TRIP4: variants seen among roughly 807,000 people sequenced by gnomAD.
The protein encoded by TRIP4 is thyroid hormone receptor interactor 4.
TRIP4 carries 54 observed loss-of-function variants against 81.8 expected under a neutral mutation model. The observed-to-expected ratio is 0.66, with a 90% CI of 0.53 to 0.83. TRIP4 has a LOEUF of 0.83. TRIP4 is among the 40% of genes least tolerant of loss of function. The probability of loss-of-function intolerance (pLI) is 0.00; values close to 1 mark genes in which losing one functional copy is unlikely to be tolerated. For missense variants in TRIP4, 662 were observed against 683.6 expected, an observed-to-expected ratio of 0.97 and a Z score of 0.35; for synonymous variants, 270 against 242.8, an observed-to-expected ratio of 1.11 and a Z score of -1.04.
intron 6 of TRIP4, among the ~76,000 whole-genome samples, chr15:64,409,042 A>G (rs1260608741): frequency 2.0e-5 from 3 of 152,184 alleles, no homozygotes; most frequent in East Asian, 1.9e-4. Flanking sequence ...GTGAAACCCC[A>G]TCCCTACTAA....
rs10694997 is a variant in TRIP4, at chr15:64,444,746, C to CTTT, written c.1576-242_1576-240dup. 817 of 108,260 alleles carry CTTT rather than the reference C, an allele frequency of 7.5e-3. 33 individuals are homozygous for CTTT. The highest frequency in any genetic ancestry group is 0.012 in the East Asian group (43 of 3,532). The allele number at this position is 108,260 out of a possible 1,614,324, so 6.7% of individuals were successfully genotyped here. ...TTCTTCTGGGAGGATTTCAGGTATC[C>CTTT]TTTTTTTTTTTTTTTTTTTTAATGA... is the stretch of plus-strand genomic sequence containing the variant. On this transcript the variant is annotated intron_variant, in intron 11 of 12. Coordinates refer to ENST00000261884, the MANE Select transcript of TRIP4 (RefSeq NM_016213.5).
intron 8 of TRIP4, among the ~76,000 whole-genome samples, chr15:64,416,620 T>G (rs746984655): frequency 1.3e-5 from 2 of 152,144 alleles, no homozygotes; most frequent in Non-Finnish European, 2.9e-5. Context: ...TTTTTCCTCT[T>G]TGGTCCTCTG....
At chr15:64,405,122 A>G (rs1049214974) in intron 5 of TRIP4, among the ~76,000 whole-genome samples, 1 of 151,878 alleles carries the variant, frequency 6.6e-6, no homozygotes, top group Non-Finnish European at 1.5e-5. Flanking sequence ...ACTCGAGCTC[A>G]GATTTTGTTT....
At chr15:64,447,511 T>C (rs1297916313) in intron 12 of TRIP4, among the ~76,000 whole-genome samples, 1 of 152,224 alleles carries the variant, frequency 6.6e-6, no homozygotes, top group Non-Finnish European at 1.5e-5. Context: ...AATCACAAAA[T>C]GAAATGCTTA....
At chr15:64,446,585 G>GTA (rs1382159123) in intron 12 of TRIP4, among the ~76,000 whole-genome samples, 1 of 150,840 alleles carries the variant, frequency 6.6e-6, no homozygotes, top group East Asian at 2.1e-4. Context: ...TTGTATTTTA[G>GTA]TAGAGATGGG....
At chr15:64,424,402 A>C (rs1286585819) in intron 10 of TRIP4, 1 of 441,276 alleles carries the variant, frequency 2.3e-6, no homozygotes, top group Non-Finnish European at 4.0e-6. Flanking sequence ...TTTATCTGAG[A>C]AAATCATCTT....
At chr15:64,411,683 C>A (rs1891765059) in intron 7 of TRIP4, among the ~76,000 whole-genome samples, 1 of 57,426 alleles carries the variant, frequency 1.7e-5, no homozygotes, top group African/African-American at 3.3e-5. Context: ...ATTGTGCATA[C>A]TGTTTTTTTT....
At chr15:64,430,295 G>T (rs1353080076) in intron 11 of TRIP4, among the ~76,000 whole-genome samples, 1 of 152,212 alleles carries the variant, frequency 6.6e-6, no homozygotes, top group Non-Finnish European at 1.5e-5. Context: ...TATAGAAAAG[G>T]CTATGGGTTC....
At chr15:64,453,148 A>G (rs1892809778) in intron 12 of TRIP4, among the ~76,000 whole-genome samples, 1 of 152,116 alleles carries the variant, frequency 6.6e-6, no homozygotes, top group African/African-American at 2.4e-5. Flanking sequence ...ATGCCATTGC[A>G]CTCCAGCCTG....
chr15:64,449,486 T>C (rs1000311837), intron 12 of TRIP4, among the ~76,000 whole-genome samples: 3 of 151,990 alleles, frequency 2.0e-5, no homozygotes, highest in East Asian at 1.9e-4. Flanking sequence ...TATGTAGATA[T>C]ACACTACTAT....
chr15:64,449,863 A>G (rs1427354645), intron 12 of TRIP4, among the ~76,000 whole-genome samples: 5 of 152,206 alleles, frequency 3.3e-5, no homozygotes, highest in African/African-American at 1.2e-4. Flanking sequence ...GAAAATTCCT[A>G]TGAGAGTTAT....
chr15:64,414,555 T>C, intron 8 of TRIP4, among the ~76,000 whole-genome samples: 1 of 142,316 alleles, frequency 7.0e-6, no homozygotes. Flanking sequence ...CTCACTCTGT[T>C]GCCCAGGCTG....
At chr15:64,413,200 T>A (rs1054084827) in intron 7 of TRIP4, among the ~76,000 whole-genome samples, 5 of 149,746 alleles carry the variant, frequency 3.3e-5, no homozygotes, top group African/African-American at 1.2e-4. Context: ...CCTAGGCAAC[T>A]TTTTTTTTTC....
At chr15:64,429,589 G>T (rs897598558) in intron 11 of TRIP4, among the ~76,000 whole-genome samples, 1 of 152,162 alleles carries the variant, frequency 6.6e-6, no homozygotes, top group Non-Finnish European at 1.5e-5. Context: ...ATAACATGCA[G>T]TGTTCTCAAA....
At chr15:64,410,667 T>C (rs1891741283) in intron 7 of TRIP4, among the ~76,000 whole-genome samples, 2 of 152,162 alleles carry the variant, frequency 1.3e-5, no homozygotes, top group African/African-American at 2.4e-5. Context: ...AATATAATTA[T>C]AGTCTTGGTG....
At chr15:64,398,025 C>T (rs370039961) in intron 4 of TRIP4, among the ~76,000 whole-genome samples, 1 of 151,992 alleles carries the variant, frequency 6.6e-6, no homozygotes, top group African/African-American at 2.4e-5. Context: ...CTCAGCCTCC[C>T]GAGCAGCTGG....
rs544481925 is a variant in TRIP4, at chr15:64,394,746, T to C, written c.271+631T>C. ...ACCTGGATGTAAGTAAAGTGTTGAT[T>C]GACTATAGTATGAATAGCATTTAGA... On this transcript the variant is annotated intron_variant, in intron 2 of 12. Transcript: ENST00000261884. 7.5e-3 allele frequency among the ~76,000 whole-genome samples: 1,135 copies of C among 152,334 alleles called. 7 individuals are homozygous for C. The highest frequency in any genetic ancestry group is 0.012 in the Non-Finnish European group (787 of 68,034).
intron 7 of TRIP4, among the ~76,000 whole-genome samples, chr15:64,412,772 A>G (rs929693032): frequency 5.9e-5 from 9 of 152,230 alleles, no homozygotes; most frequent in African/African-American, 1.7e-4. Flanking sequence ...GGAGTATTGA[A>G]TAGAGTAGCA....
intron 11 of TRIP4, among the ~76,000 whole-genome samples, chr15:64,427,779 A>G (rs113745758): frequency 2.6e-5 from 4 of 152,126 alleles, no homozygotes; most frequent in African/African-American, 7.2e-5. Context: ...TGTGAGTACA[A>G]TGCATGCATT....
Sources: allele counts gnomAD v4.1 joint callset (sites outside exome capture counted in the v4.1 genomes callset), GRCh38; gene constraint gnomAD v4.1.1; transcripts MANE v1.5; gene names NCBI Gene and HGNC (gene_info 2026-07-23, HGNC 2026-07-21).